The following GTF2I variants were observed in gnomAD, a reference collection of about 807,000 sequenced individuals.
GTF2I encodes general transcription factor IIi.
In GTF2I, 12 loss-of-function variants were observed where a neutral mutation model predicts 67.6. The observed-to-expected ratio is 0.18, with a 90% CI of 0.11 to 0.29. The LOEUF is 0.29. GTF2I is among the 10% of genes least tolerant of loss of function. GTF2I has a pLI of 1.00. For synonymous variants in GTF2I, 149 were observed against 197.0 expected (o/e 0.76, Z 2.04); for missense variants, 271 against 580.1 (o/e 0.47, Z 5.47).
intron 1 of GTF2I, among the ~76,000 whole-genome samples, chr7:74,688,739 G>A (rs1409968247): frequency 1.3e-5 from 2 of 152,164 alleles, no homozygotes; most frequent in Non-Finnish European, 2.9e-5. Context: ...ACTCTTTTGT[G>A]TGTCAGGATG....
At chr7:74,696,051 G>A (rs1788863548) in intron 3 of GTF2I, among the ~76,000 whole-genome samples, 1 of 151,646 alleles carries the variant, frequency 6.6e-6, no homozygotes, top group Admixed American at 6.6e-5. Flanking sequence ...GAGTGCAGTG[G>A]CGTGATCTTG....
chr7:74,673,636 C>T (rs1366429910), intron 1 of GTF2I, among the ~76,000 whole-genome samples: 2 of 151,604 alleles, frequency 1.3e-5, no homozygotes, highest in African/African-American at 2.4e-5. Context: ...ACCTCGCCCT[C>T]CCAAAGTGTT....
In GTF2I at chr7:74,732,142, CATATATAT is replaced by C. The variant is rs4028174; in HGVS notation, c.1121-327_1121-320del. On this transcript the variant is annotated intron_variant, in intron 14 of 34. Coordinates refer to ENST00000573035, the MANE Select transcript of GTF2I (RefSeq NM_032999.4). ...ATGTATATATACATATACACATATA[CATATATAT>C]ATATATATACATAAACACATATACA... Among the ~76,000 whole-genome samples the C allele has an allele frequency of 6.9e-5, 10 of 145,924 alleles. No homozygotes were observed. In the East Asian group the frequency reaches 1.8e-3, roughly 26 times the overall value.
At chr7:74,718,733 T>C (rs1554404048) in intron 11 of GTF2I, 146 bp from the exon 12 acceptor site, 1 of 535,588 alleles carries the variant, frequency 1.9e-6, no homozygotes, top group Non-Finnish European at 3.3e-6. Context: ...AAGGGTCAAA[T>C]TTTAATTTCA....
chr7:74,712,165 G>C (rs782535369), intron 9 of GTF2I, among the ~76,000 whole-genome samples: 3 of 152,102 alleles, frequency 2.0e-5, no homozygotes, highest in Middle Eastern at 3.4e-3. Context: ...TGGCCAGGCT[G>C]GTCTCGAGCT....
intron 9 of GTF2I, among the ~76,000 whole-genome samples, chr7:74,712,652 CTTT>C (rs67504763): frequency 6.1e-5 from 7 of 114,178 alleles, no homozygotes; most frequent in Admixed American, 9.2e-5. Context: ...CAAGATTTAT[CTTT>C]TTTTTTTTTT....
At chr7:74,686,615 C>T (rs1446763719) in intron 1 of GTF2I, among the ~76,000 whole-genome samples, 1 of 152,044 alleles carries the variant, frequency 6.6e-6, no homozygotes, top group Non-Finnish European at 1.5e-5. Flanking sequence ...ACATATATGC[C>T]TTTGTTGTCC....
intron 33 of GTF2I, among the ~76,000 whole-genome samples, 144 bp from the exon 34 acceptor site, chr7:74,758,620 AATGTATTGCTAAAGAG>A (rs1299002807): frequency 3.8e-4 from 29 of 75,974 alleles, no homozygotes; most frequent in African/African-American, 1.1e-3. Context: ...CAAAATTTTG[AATGTATTGCTAAAGAG>A]ATGTCTCTCT....
chr7:74,719,274 T>C (rs1470452076), intron 12 of GTF2I, among the ~76,000 whole-genome samples: 3 of 152,216 alleles, frequency 2.0e-5, no homozygotes, highest in African/African-American at 7.2e-5. Flanking sequence ...AGAAGACTTA[T>C]TTGGAGCTGG....
chr7:74,711,943 T>TTC (rs1214647736), intron 9 of GTF2I, among the ~76,000 whole-genome samples: 9 of 151,256 alleles, frequency 6.0e-5, no homozygotes, highest in Non-Finnish European at 1.2e-4. Flanking sequence ...AGGCCTTCAT[T>TTC]TCTCTCTTTT....
At chr7:74,717,112 T>C in intron 11 of GTF2I, 162 bp downstream of exon 11, 1 of 894,524 alleles carries the variant, frequency 1.1e-6, no homozygotes, top group East Asian at 2.8e-5. Context: ...AATTCTAAGA[T>C]GTAATATACT....
chr7:74,724,991 A>G (rs186446317), intron 12 of GTF2I, among the ~76,000 whole-genome samples: 1 of 152,352 alleles, frequency 6.6e-6, no homozygotes, highest in Admixed American at 6.5e-5. Flanking sequence ...TTATGGAAAC[A>G]GAGTTTGGGC....
At chr7:74,702,666 T>C (rs1210265523) in intron 6 of GTF2I, among the ~76,000 whole-genome samples, 1 of 152,212 alleles carries the variant, frequency 6.6e-6, no homozygotes, top group African/African-American at 2.4e-5. Flanking sequence ...TGAAGTGGTA[T>C]CTAATTTTTT....
chr7:74,676,827 G>A (rs963762197), intron 1 of GTF2I, among the ~76,000 whole-genome samples: 5 of 152,172 alleles, frequency 3.3e-5, no homozygotes, highest in East Asian at 1.9e-4. Flanking sequence ...AGGCTGAGGC[G>A]GGCAAATCAC....
At chr7:74,687,689 T>C (rs1276589152) in intron 1 of GTF2I, 1 of 363,662 alleles carries the variant, frequency 2.7e-6, no homozygotes, top group Non-Finnish European at 3.8e-6. Context: ...GGGAAAAGAT[T>C]TACTGACATT....
intron 9 of GTF2I, among the ~76,000 whole-genome samples, chr7:74,711,407 A>G (rs2131398531): frequency 6.6e-6 from 1 of 152,346 alleles, no homozygotes; most frequent in South Asian, 2.1e-4. Flanking sequence ...AAACAAACCT[A>G]TTAGGCAAAT....
intron 3 of GTF2I, among the ~76,000 whole-genome samples, chr7:74,693,265 ATTT>A (rs1158949751): frequency 1.2e-5 from 1 of 83,004 alleles, no homozygotes; most frequent in Non-Finnish European, 2.4e-5. Context: ...CTGTAGTGGA[ATTT>A]TTTTTTTTTT....
chr7:74,675,684 G>A (rs138471814), intron 1 of GTF2I, among the ~76,000 whole-genome samples: 22 of 151,774 alleles, frequency 1.4e-4, no homozygotes, highest in African/African-American at 4.8e-4. Context: ...ATTTAAAATC[G>A]GATTAAATTT....
chr7:74,685,201 C>A (rs368310161), intron 1 of GTF2I, among the ~76,000 whole-genome samples: 1 of 152,204 alleles, frequency 6.6e-6, no homozygotes, highest in Non-Finnish European at 1.5e-5. Flanking sequence ...CAAAGTTACA[C>A]TTGTATGCAA....
Sources: allele counts gnomAD v4.1 joint callset (sites outside exome capture counted in the v4.1 genomes callset), GRCh38; gene constraint gnomAD v4.1.1; transcripts MANE v1.5; gene names NCBI Gene and HGNC (gene_info 2026-07-23, HGNC 2026-07-21).